DOCK2: variants seen among roughly 807,000 people sequenced by gnomAD.
DOCK2 encodes dedicator of cytokinesis 2.
DOCK2 carries 87 observed loss-of-function variants against 248.9 expected under a neutral mutation model. That is an observed-to-expected ratio of 0.35 (90% CI 0.29 to 0.42). The LOEUF (loss-of-function observed/expected upper bound fraction) is 0.42. Among genes scored for constraint, DOCK2 ranks in the 10% least tolerant of loss-of-function variants. The probability of loss-of-function intolerance (pLI) is 1.00; values close to 1 mark genes in which losing one functional copy is unlikely to be tolerated. For missense variants in DOCK2, 1,747 were observed against 2,300.2 expected, an observed-to-expected ratio of 0.76 and a Z score of 4.92; for synonymous variants, 805 against 821.6, an observed-to-expected ratio of 0.98 and a Z score of 0.35.
chr5:169,903,585 A>G (rs992064216), intron 27 of DOCK2, among the ~76,000 whole-genome samples: 2 of 152,112 alleles, frequency 1.3e-5, no homozygotes, highest in Non-Finnish European at 2.9e-5. Flanking sequence ...AAGGGAAGTC[A>G]CTTCAGGACA....
chr5:170,035,024 A>G (rs1756274513), intron 35 of DOCK2, among the ~76,000 whole-genome samples: 1 of 152,194 alleles, frequency 6.6e-6, no homozygotes, highest in Non-Finnish European at 1.5e-5. Context: ...CTCACTACGT[A>G]TTAGTTTCCT....
chr5:169,656,151 A>G (rs1259073700), intron 2 of DOCK2, among the ~76,000 whole-genome samples: 1 of 152,190 alleles, frequency 6.6e-6, no homozygotes, highest in Non-Finnish European at 1.5e-5. Flanking sequence ...AGCAAACTGT[A>G]GGTGACTACC....
intron 27 of DOCK2, among the ~76,000 whole-genome samples, chr5:169,940,355 A>G (rs1318233839): frequency 2.0e-5 from 3 of 152,166 alleles, no homozygotes; most frequent in African/African-American, 4.8e-5. Flanking sequence ...GAGTATTGCT[A>G]TTGGCATCTA....
chr5:169,756,387 C>A (rs972783983), intron 23 of DOCK2, among the ~76,000 whole-genome samples: 1 of 152,212 alleles, frequency 6.6e-6, no homozygotes, highest in Non-Finnish European at 1.5e-5. Context: ...TGTTTCTGTG[C>A]ATGTTTCTCA....
intron 40 of DOCK2, among the ~76,000 whole-genome samples, chr5:170,048,160 G>A (rs1756781314): frequency 6.6e-6 from 1 of 152,212 alleles, no homozygotes; most frequent in African/African-American, 2.4e-5. Context: ...GGGAGGCTGA[G>A]GTGGGCAGAT....
At chr5:169,715,012 T>C (rs2113540839) in intron 19 of DOCK2, among the ~76,000 whole-genome samples, 1 of 152,286 alleles carries the variant, frequency 6.6e-6, no homozygotes, top group Non-Finnish European at 1.5e-5. Flanking sequence ...CTGTTAGTAC[T>C]ACCCACAGAT....
At chr5:169,951,380 T>C (rs1776657654) in intron 27 of DOCK2, among the ~76,000 whole-genome samples, 1 of 152,180 alleles carries the variant, frequency 6.6e-6, no homozygotes, top group Non-Finnish European at 1.5e-5. Flanking sequence ...ACACAACACA[T>C]GGTGGAGTCA....
At chr5:169,779,986 G>A (rs2113798274) in intron 25 of DOCK2, among the ~76,000 whole-genome samples, 1 of 152,262 alleles carries the variant, frequency 6.6e-6, no homozygotes, top group African/African-American at 2.4e-5. Flanking sequence ...TTCTTTCTGG[G>A]TCACCGAAGC....
At chr5:169,785,129 A>G (rs1581185536) in intron 25 of DOCK2, among the ~76,000 whole-genome samples, 1 of 152,186 alleles carries the variant, frequency 6.6e-6, no homozygotes, top group African/African-American at 2.4e-5. Flanking sequence ...TATGTTGATA[A>G]CCTCATTATG....
intron 44 of DOCK2, among the ~76,000 whole-genome samples, chr5:170,062,538 T>TC: frequency 6.6e-6 from 1 of 152,232 alleles, no homozygotes; most frequent in South Asian, 2.1e-4. Flanking sequence ...TCATCTTCTC[T>TC]CCCTGTGGAG....
At chr5:169,958,124 A>G (rs1776940144) in intron 27 of DOCK2, among the ~76,000 whole-genome samples, 1 of 152,224 alleles carries the variant, frequency 6.6e-6, no homozygotes, top group Non-Finnish European at 1.5e-5. Flanking sequence ...CCACATGCAC[A>G]TAGAAGGACA....
At chr5:169,707,397 G>A (rs1214979713) in intron 14 of DOCK2, among the ~76,000 whole-genome samples, 2 of 152,184 alleles carry the variant, frequency 1.3e-5, no homozygotes, top group East Asian at 3.8e-4. Context: ...AACTGTCATT[G>A]CCTCCAACAA....
intron 46 of DOCK2, 125 bp from the exon 47 acceptor site, chr5:170,075,822 A>T: frequency 1.6e-6 from 2 of 1,274,040 alleles, no homozygotes; most frequent in Non-Finnish European, 2.2e-6. Context: ...CAGGTTTCTG[A>T]GGACCCTGAA....
rs138400174 is a variant in DOCK2, at chr5:170,014,506, T to C, written c.3233-4454T>C. On this transcript the variant is annotated intron_variant, in intron 32 of 51. Transcript: ENST00000520908. Reference sequence around the variant, plus strand: ...TTTTTTGGGTATCTGGTGGATTTTTTACACTTGCAGCACATTTCTAATGGA... The same window carrying C: ...TTTTTTGGGTATCTGGTGGATTTTTCACACTTGCAGCACATTTCTAATGGA... Among the ~76,000 whole-genome samples, 350 of 152,266 alleles carry C rather than the reference T, an allele frequency of 2.3e-3. 1 individual carries two copies. Among genetic ancestry groups the C allele is most frequent in the African/African-American group, 8.1e-3 (337 of 41,540 alleles).
chr5:170,035,081 T>C (rs913126544), intron 35 of DOCK2, among the ~76,000 whole-genome samples: 20 of 152,344 alleles, frequency 1.3e-4, no homozygotes, highest in African/African-American at 4.6e-4. Flanking sequence ...TTGCTGTTAC[T>C]ATGAACCAGG....
intron 47 of DOCK2, 102 bp from the exon 48 acceptor site, chr5:170,077,608 C>T (rs2113876243): frequency 6.5e-6 from 10 of 1,533,542 alleles, no homozygotes; most frequent in Non-Finnish European, 8.8e-6. Flanking sequence ...TCCACTCAGC[C>T]CCACAACTCT....
At chr5:169,911,810 C>T (rs950468640) in intron 27 of DOCK2, among the ~76,000 whole-genome samples, 1 of 152,150 alleles carries the variant, frequency 6.6e-6, no homozygotes, top group South Asian at 2.1e-4. Flanking sequence ...GCAAGTTCCA[C>T]GGAAAGCCTA....
chr5:170,053,544 C>G (rs1199311619), intron 41 of DOCK2, among the ~76,000 whole-genome samples: 1 of 152,212 alleles, frequency 6.6e-6, no homozygotes, highest in Non-Finnish European at 1.5e-5. Flanking sequence ...GGCAGTGAAC[C>G]AGATTTGACC....
At chr5:169,782,930 A>G (rs1198740189) in intron 25 of DOCK2, among the ~76,000 whole-genome samples, 2 of 152,214 alleles carry the variant, frequency 1.3e-5, no homozygotes, top group Non-Finnish European at 2.9e-5. Flanking sequence ...TTCCAATTCA[A>G]AAAATGTTTA....
Sources: allele counts gnomAD v4.1 joint callset (sites outside exome capture counted in the v4.1 genomes callset), GRCh38; gene constraint gnomAD v4.1.1; transcripts MANE v1.5; gene names NCBI Gene and HGNC (gene_info 2026-07-23, HGNC 2026-07-21).